Variants in UGT1A4 observed in about 807,000 individuals in gnomAD.
UGT1A4 encodes the protein UDP-glucuronosyltransferase 1A4.
Under a neutral mutation model 41.1 loss-of-function variants are expected in UGT1A4, and 32 were observed. The ratio of observed to expected loss-of-function variants is 0.78; its 90% confidence interval spans 0.59 to 1.05. The LOEUF is 1.05. UGT1A4 is among the 50% of genes least tolerant of loss of function. UGT1A4 has a pLI of 0.00. For missense variants in UGT1A4, 748 were observed against 677.4 expected (o/e 1.10, Z -1.16); for synonymous variants, 283 against 265.1 (o/e 1.07, Z -0.66).
intron 1 of UGT1A4, among the ~76,000 whole-genome samples, chr2:233,720,439 A>G (rs1010293561): frequency 2.0e-5 from 3 of 152,114 alleles, no homozygotes; most frequent in African/African-American, 7.2e-5. Context: ...CCGTGAATCT[A>G]TAAGCCCAGT....
At chr2:233,760,104 A>T in intron 1 of UGT1A4, 1 of 1,171,464 alleles carries the variant, frequency 8.5e-7, no homozygotes, top group Non-Finnish European at 1.2e-6. Flanking sequence ...GTTGCCTATT[A>T]AGAAACCTAA....
At position 233,719,320 on chromosome 2, in the gene UGT1A4, T is replaced by C. The variant is rs1246045139; in HGVS notation, c.500T>C (p.Ile167Thr). ...GCGGTGCTGGCTAAGTACCTGTCGA[T>C]TCCTGCTGTGTTTTTTTGGAGGTAC... ...CGAVLAKYLS[I>T]PAVFFWRYIP... The change falls in exon 1 of 5, where the codon ATT becomes ACT. Residue 167 changes from isoleucine (I) to threonine (T), a missense_variant. Physicochemically the swap from Ile to Thr is moderately conservative, Grantham distance 89. Coordinates refer to ENST00000373409, the MANE Select transcript of UGT1A4 (RefSeq NM_007120.3). 6.8e-6 allele frequency: 11 copies of C among 1,613,984 alleles called. No homozygotes were observed. The highest frequency in any genetic ancestry group is 8.5e-6 in the Non-Finnish European group (10 of 1,179,880).
intron 4 of UGT1A4, among the ~76,000 whole-genome samples, chr2:233,768,674 C>T (rs1339439419): frequency 6.7e-6 from 1 of 148,950 alleles, no homozygotes; most frequent in Non-Finnish European, 1.5e-5. Context: ...GCAACCTCCA[C>T]CTCCCACGTT....
intron 1 of UGT1A4, chr2:233,744,022 A>C (rs773777598): frequency 3.4e-4 from 328 of 975,622 alleles, no homozygotes; most frequent in East Asian, 3.5e-4. Context: ...GCCTGGAGAG[A>C]CGCCCCTTAT....
At chr2:233,743,223 T>C (rs879890998) in intron 1 of UGT1A4, 26 of 414,194 alleles carry the variant, frequency 6.3e-5, no homozygotes, top group Middle Eastern at 7.1e-4. Context: ...TGCTCTTTGC[T>C]ATTTATTATG....
At chr2:233,744,164 C>T (rs974356538) in intron 1 of UGT1A4, 1 of 281,484 alleles carries the variant, frequency 3.6e-6, no homozygotes, top group African/African-American at 2.2e-5. Context: ...GCCCCGCCCA[C>T]TCCGGCCTCC....
At chr2:233,738,731 C>T (rs1205988900) in intron 1 of UGT1A4, among the ~76,000 whole-genome samples, 1 of 152,174 alleles carries the variant, frequency 6.6e-6, no homozygotes. Context: ...GGAAAATTTG[C>T]AGCCTGACCA....
intron 1 of UGT1A4, chr2:233,750,662 C>T (rs1387659754): frequency 7.0e-6 from 1 of 143,446 alleles, no homozygotes; most frequent in Non-Finnish European, 1.5e-5. Context: ...ACTTGGTGCC[C>T]TGTGTCCCAG....
chr2:233,718,794 A>T lies in UGT1A4; in HGVS notation c.-27A>T, dbSNP rs2076686034. 1.2e-6 allele frequency: 2 copies of T among 1,613,190 alleles called. No individual in the cohort carries two copies. The highest frequency in any genetic ancestry group is 1.7e-6 in the Non-Finnish European group (2 of 1,179,998). ...GTAGCAGGCACAGCGTGGGGTGGACAGTCAGCTGTCGGTGGCTTCTGCTGA... is the reference window on the plus strand; with the variant it reads ...GTAGCAGGCACAGCGTGGGGTGGACTGTCAGCTGTCGGTGGCTTCTGCTGA... On this transcript the variant is annotated 5_prime_UTR_variant, in exon 1 of 5. Coordinates refer to ENST00000373409, the MANE Select transcript of UGT1A4 (RefSeq NM_007120.3).
intron 1 of UGT1A4, among the ~76,000 whole-genome samples, chr2:233,763,422 G>A (rs983086025): frequency 2.0e-4 from 31 of 152,076 alleles, no homozygotes; most frequent in Non-Finnish European, 4.1e-4. Context: ...ATCCAGTCAG[G>A]CAGTTGCTTT....
At chr2:233,746,785 G>A (rs999624443) in intron 1 of UGT1A4, among the ~76,000 whole-genome samples, 5 of 151,822 alleles carry the variant, frequency 3.3e-5, no homozygotes, top group Non-Finnish European at 2.9e-5. Flanking sequence ...GTTTTCTGTT[G>A]TAATTCATGA....
intron 1 of UGT1A4, chr2:233,743,944 C>A: frequency 7.4e-7 from 1 of 1,351,520 alleles, no homozygotes; most frequent in Non-Finnish European, 9.9e-7. Context: ...GCCCACCAGG[C>A]ACTGGCACAG....
intron 1 of UGT1A4, chr2:233,740,677 T>C (rs536808969): frequency 2.0e-5 from 3 of 151,924 alleles, no homozygotes; most frequent in South Asian, 4.1e-4. Context: ...GGTGTTTCCA[T>C]GGAGGGTGTT....
Position 233,772,413 on chromosome 2 carries a change from T to G in UGT1A4, c.1459T>G (p.Tyr487Asp), listed in dbSNP as rs34993780. 159 of 1,614,182 alleles carry G rather than the reference T, an allele frequency of 9.9e-5. No homozygotes were observed. In the East Asian group the frequency reaches 2.1e-3, roughly 21 times the overall value. Reference sequence around the variant, plus strand: ...AGCCCACGACCTCACCTGGTACCAGTACCATTCCTTGGACGTGATTGGTTT... The same window carrying G: ...AGCCCACGACCTCACCTGGTACCAGGACCATTCCTTGGACGTGATTGGTTT... ...PAAHDLTWYQ[Y>D]HSLDVIGFLL... The change falls in exon 5 of 5, where the codon TAC becomes GAC. Residue 487 changes from tyrosine to aspartate, a missense_variant. By Grantham distance (160) the Tyr-to-Asp change is radical (BLOSUM62 -3). Transcript: ENST00000373409.
chr2:233,770,762 T>G (rs745553589), intron 4 of UGT1A4: 1 of 152,220 alleles, frequency 6.6e-6, no homozygotes, highest in Non-Finnish European at 1.5e-5. Flanking sequence ...AATATTACAT[T>G]ATAATAATGT....
intron 1 of UGT1A4, among the ~76,000 whole-genome samples, chr2:233,727,887 G>A (rs1352414906): frequency 2.0e-5 from 3 of 152,190 alleles, no homozygotes; most frequent in Non-Finnish European, 4.4e-5. Flanking sequence ...AGCAATGGCA[G>A]ACACGGCCAG....
chr2:233,729,207 G>A (rs6706232), intron 1 of UGT1A4: 749,602 of 1,613,822 alleles, frequency 0.46, 180,459 homozygotes, highest in African/African-American at 0.76. Flanking sequence ...CCTGGGCTGA[G>A]AGTGGAAAGG....
intron 1 of UGT1A4, 42 bp downstream of exon 1, chr2:233,719,729 A>C: frequency 6.2e-7 from 1 of 1,613,584 alleles, no homozygotes. Context: ...TCCAGGCAAA[A>C]CACTTTTTAA....
chr2:233,759,291 G>A (rs2003569), intron 1 of UGT1A4, among the ~76,000 whole-genome samples: 24,209 of 152,142 alleles, frequency 0.16, 2,312 homozygotes, highest in African/African-American at 0.25. Flanking sequence ...TGATGAAGCT[G>A]AGCCCTGAGT....
Sources: gnomAD v4.1 joint callset for allele counts (sites outside exome capture counted in the v4.1 genomes callset) on GRCh38, gnomAD v4.1.1 for gene constraint, MANE v1.5 for transcripts, NCBI Gene and HGNC (gene_info 2026-07-23, HGNC 2026-07-21) for gene names.